Variants in HOXC4 observed in about 807,000 individuals in gnomAD.
HOXC4 encodes homeobox C4.
Under a neutral mutation model 25.5 loss-of-function variants are expected in HOXC4, and 15 were observed. The ratio of observed to expected loss-of-function variants is 0.59; its 90% CI spans 0.39 to 0.91. HOXC4 has a LOEUF of 0.91. Ranked by LOEUF, HOXC4 falls within the 40% of genes least tolerant of loss-of-function variation. The pLI is 0.00. For synonymous variants in HOXC4, 165 were observed against 148.0 expected (o/e 1.11, Z -0.83); for missense variants, 342 against 352.4 (o/e 0.97, Z 0.24).
rs372733424 is a variant in HOXC4 at position 54,054,875 on chromosome 12, A to G, written c.465A>G (p.Glu155=). ...TGAACCCCAATTATAACGGAGGGGA[A>G]CCCAAGCGCTCGAGGACAGCCTATA... ...STVNPNYNGG[E]PKRSRTAYTR... is the part of the protein sequence containing the mutation. Residue 155 remains glutamate, a synonymous_variant, in exon 2 of 2, where the codon GAA becomes GAG. Coordinates refer to ENST00000430889, the MANE Select transcript of HOXC4 (RefSeq NM_153633.3). 1.2e-6 allele frequency: 2 copies of G among 1,609,310 alleles called. No individual in the cohort carries two copies. The highest frequency in any genetic ancestry group is 2.2e-5 in the East Asian group (1 of 44,734).
chr12:54,041,835 C>A (rs1385463722), intron 1 of HOXC4, among the ~76,000 whole-genome samples: 1 of 151,922 alleles, frequency 6.6e-6, no homozygotes, highest in Admixed American at 6.6e-5. Context: ...CACCACCACA[C>A]CCAGTTAATT....
chr12:54,046,702 G>A (rs1937716151), intron 1 of HOXC4, among the ~76,000 whole-genome samples: 1 of 152,114 alleles, frequency 6.6e-6, no homozygotes, highest in Non-Finnish European at 1.5e-5. Context: ...AAAGAGAAAG[G>A]GAAAGAAGTC....
intron 1 of HOXC4, among the ~76,000 whole-genome samples, chr12:54,043,967 T>TG (rs1565750571): frequency 0.03 from 1,984 of 66,242 alleles, 42 homozygotes; most frequent in East Asian, 0.065. Context: ...TGTGTGTGTG[T>TG]TTAGGGAGTA....
At chr12:54,032,700 G>A (rs1487959596) in intron 1 of HOXC4, among the ~76,000 whole-genome samples, 3 of 152,160 alleles carry the variant, frequency 2.0e-5, no homozygotes, top group Admixed American at 6.5e-5. Flanking sequence ...TCCAGCCACC[G>A]GAAAGCAAGC....
intron 1 of HOXC4, chr12:54,022,488 C>G (rs1161470081): frequency 6.6e-6 from 1 of 152,106 alleles, no homozygotes; most frequent in Non-Finnish European, 1.5e-5. Context: ...ATTCTCATTT[C>G]TGAAATTAAT....
chr12:54,019,179 C>A (rs867856836), intron 1 of HOXC4, among the ~76,000 whole-genome samples: 292 of 133,296 alleles, frequency 2.2e-3, no homozygotes, highest in African/African-American at 7.6e-3. Flanking sequence ...CCTCCCCCAC[C>A]CCCCCACCCC....
intron 1 of HOXC4, among the ~76,000 whole-genome samples, chr12:54,019,499 C>G (rs527654115): frequency 1.3e-5 from 2 of 152,142 alleles, no homozygotes; most frequent in African/African-American, 4.8e-5. Flanking sequence ...AATCGCCGAC[C>G]GGTGAGGCCT....
intron 1 of HOXC4, among the ~76,000 whole-genome samples, chr12:54,045,749 G>A (rs1173821371): frequency 6.6e-6 from 1 of 152,186 alleles, no homozygotes; most frequent in African/African-American, 2.4e-5. Flanking sequence ...GTGAGTGGGG[G>A]TAGGGAACAA....
chr12:54,017,118 C>T (rs1306980558), exon 1 of HOXC4: 1 of 152,216 alleles, frequency 6.6e-6, no homozygotes, highest in East Asian at 1.9e-4. Flanking sequence ...TCCCGACCCT[C>T]TGGCCCCCAA....
chr12:54,040,584 G>C (rs977657500), intron 1 of HOXC4, among the ~76,000 whole-genome samples: 1 of 152,178 alleles, frequency 6.6e-6, no homozygotes, highest in African/African-American at 2.4e-5. Context: ...AGTTGTGGGG[G>C]CATCCTCTGG....
At chr12:54,031,253 G>T (rs1940974207) in intron 1 of HOXC4, among the ~76,000 whole-genome samples, 1 of 152,210 alleles carries the variant, frequency 6.6e-6, no homozygotes, top group African/African-American at 2.4e-5. Context: ...GGAGGCGGGG[G>T]GCGCCGTGAG....
chr12:54,052,856 A>G (rs943159154), upstream of HOXC4, among the ~76,000 whole-genome samples: 4 of 152,178 alleles, frequency 2.6e-5, no homozygotes, highest in African/African-American at 9.7e-5. Flanking sequence ...AGCAGGCTCT[A>G]CCCACACAGG....
intron 1 of HOXC4, chr12:54,034,046 C>A (rs1264719268): frequency 2.9e-6 from 2 of 700,952 alleles, no homozygotes; most frequent in Non-Finnish European, 5.3e-6. Context: ...CCAACCCCCC[C>A]TCAGCCCCTC....
intron 1 of HOXC4, among the ~76,000 whole-genome samples, chr12:54,031,973 G>A (rs921238502): frequency 1.3e-5 from 2 of 152,182 alleles, no homozygotes; most frequent in African/African-American, 4.8e-5. Context: ...TCCCCAAAGG[G>A]CACATAACGG....
chr12:54,024,637 A>G (rs1592226221), intron 1 of HOXC4, among the ~76,000 whole-genome samples: 2 of 152,202 alleles, frequency 1.3e-5, no homozygotes, highest in South Asian at 2.1e-4. Flanking sequence ...AGGCCTGCCC[A>G]CGAACTTCTT....
intron 1 of HOXC4, among the ~76,000 whole-genome samples, chr12:54,017,893 T>C (rs1940228848): frequency 6.7e-6 from 1 of 149,036 alleles, no homozygotes; most frequent in Non-Finnish European, 1.5e-5. Context: ...CAGCTTCCCC[T>C]CCCTGTCTGG....
At chr12:54,038,151 A>C (rs1218513617) in intron 1 of HOXC4, 1 of 152,190 alleles carries the variant, frequency 6.6e-6, no homozygotes, top group Non-Finnish European at 1.5e-5. Flanking sequence ...GGGAGAAGAG[A>C]AGAAGCAGCA....
intron 1 of HOXC4, among the ~76,000 whole-genome samples, chr12:54,045,865 C>T (rs1258133034): frequency 6.6e-6 from 1 of 152,202 alleles, no homozygotes; most frequent in African/African-American, 2.4e-5. Context: ...CGAAAACCTA[C>T]TCTAGGGGTC....
At chr12:54,049,344 G>T (rs1937792714), upstream of HOXC4, among the ~76,000 whole-genome samples, 1 of 152,140 alleles carries the variant, frequency 6.6e-6, no homozygotes, top group Non-Finnish European at 1.5e-5. Flanking sequence ...TGAAATGCAG[G>T]TCACTCTGTC....
Sources: gnomAD v4.1 joint callset for allele counts (sites outside exome capture counted in the v4.1 genomes callset) on GRCh38, gnomAD v4.1.1 for gene constraint, MANE v1.5 for transcripts, NCBI Gene and HGNC (gene_info 2026-07-23, HGNC 2026-07-21) for gene names.